SLC25A36: variants seen among roughly 807,000 people sequenced by gnomAD.
SLC25A36 encodes solute carrier family 25 member 36.
In SLC25A36, 24 loss-of-function variants were observed where a neutral mutation model predicts 35.3. That is an observed-to-expected ratio of 0.68 (90% confidence interval 0.49 to 0.96). SLC25A36 has a LOEUF of 0.96. Ranked by LOEUF, SLC25A36 falls within the 40% of genes least tolerant of loss-of-function variation. SLC25A36 has a pLI of 0.00. For synonymous variants in SLC25A36, 141 were observed against 132.2 expected, an observed-to-expected ratio of 1.07 and a Z score of -0.46; for missense variants, 294 against 381.1, an observed-to-expected ratio of 0.77 and a Z score of 1.90.
chr3:140,958,345 G>A (rs1934533066), intron 2 of SLC25A36, among the ~76,000 whole-genome samples: 1 of 152,020 alleles, frequency 6.6e-6, no homozygotes, highest in Non-Finnish European at 1.5e-5. Flanking sequence ...CTTACACATG[G>A]CTCTGTTCCT....
chr3:140,943,206 C>T (rs1934067151), intron 1 of SLC25A36, among the ~76,000 whole-genome samples: 1 of 152,194 alleles, frequency 6.6e-6, no homozygotes, highest in African/African-American at 2.4e-5. Context: ...CTCTTACCGG[C>T]ATCTTCTTAA....
intron 6 of SLC25A36, among the ~76,000 whole-genome samples, chr3:140,975,660 A>G (rs1405225304): frequency 6.6e-6 from 1 of 152,194 alleles, no homozygotes; most frequent in Non-Finnish European, 1.5e-5. Context: ...TTTTAAAATG[A>G]GGAAAAATTG....
chr3:140,959,557 A>T lies in SLC25A36; in HGVS notation c.284+17A>T. The T allele has an allele frequency of 1.6e-6, 2 of 1,274,688 alleles. No individual in the cohort carries two copies. The highest frequency in any genetic ancestry group is 1.7e-5 in the South Asian group (1 of 57,800). The allele number at this position is 1,274,688 out of a possible 1,614,324, so 79.0% of individuals were successfully genotyped here. Reference sequence around the variant, plus strand: ...CCCTTCCAGGTAAAAAAAAAAAAAAATTGTTTAAAGCAAGTTATGGCAATC... The same window carrying T: ...CCCTTCCAGGTAAAAAAAAAAAAAATTTGTTTAAAGCAAGTTATGGCAATC... On this transcript the variant is annotated intron_variant, in intron 3 of 6. Transcript: ENST00000324194.
intron 1 of SLC25A36, among the ~76,000 whole-genome samples, chr3:140,951,181 C>G (rs1318828823): frequency 3.3e-5 from 5 of 151,978 alleles, no homozygotes; most frequent in Admixed American, 3.3e-4. Flanking sequence ...TTGCAGCTGC[C>G]GATTTCTCTG....
At chr3:140,972,747 T>C (rs967690134) in intron 5 of SLC25A36, 1 of 152,198 alleles carries the variant, frequency 6.6e-6, no homozygotes, top group Non-Finnish European at 1.5e-5. Context: ...TTACAGTTGG[T>C]TTGTGGATCA....
rs945889832 is a variant in SLC25A36, at chr3:140,953,924, C to T, written c.42-2603C>T. On this transcript the variant is annotated intron_variant, in intron 1 of 6. Transcript: ENST00000324194. ...GTTCAAGGCTACAGTGAGCTATGAT[C>T]GTGCCACTGCACTCCAGCCTTGGTG... is the stretch of plus-strand genomic sequence containing the variant. Among the ~76,000 whole-genome samples, 4 of 152,296 alleles carry T rather than the reference C, an allele frequency of 2.6e-5. No individual in the cohort carries two copies. The East Asian group carries it at 7.7e-4, about 29-fold the overall frequency.
At chr3:140,946,526 T>C (rs1469017077) in intron 1 of SLC25A36, among the ~76,000 whole-genome samples, 1 of 152,204 alleles carries the variant, frequency 6.6e-6, no homozygotes, top group African/African-American at 2.4e-5. Context: ...AATAATCCAC[T>C]TGACTGATAA....
intron 4 of SLC25A36, chr3:140,966,094 A>C (rs183170057): frequency 6.6e-6 from 1 of 152,156 alleles, no homozygotes; most frequent in African/African-American, 2.4e-5. Context: ...TAATCATTGA[A>C]TGTTTCCTAC....
rs570114520 is a variant in SLC25A36, at chr3:140,948,137, T to C, written c.41+6042T>C. Reference sequence around the variant, plus strand: ...CCCAGGTAATTTTTTGTACTTTTAGTAGAGACAGGATTTCACCATGTTGGT... The same window carrying C: ...CCCAGGTAATTTTTTGTACTTTTAGCAGAGACAGGATTTCACCATGTTGGT... On this transcript the variant is annotated intron_variant, in intron 1 of 6. Coordinates refer to ENST00000324194, the MANE Select transcript of SLC25A36 (RefSeq NM_001104647.3). 2.6e-5 allele frequency among the ~76,000 whole-genome samples: 4 copies of C among 152,262 alleles called. No homozygotes were observed. The South Asian group carries it at 6.2e-4, about 24-fold the overall frequency.
At chr3:140,959,312 G>T in intron 2 of SLC25A36, 151 bp from the exon 3 acceptor site, 1 of 510,040 alleles carries the variant, frequency 2.0e-6, no homozygotes, top group Non-Finnish European at 3.4e-6. Context: ...ACCATGCCTG[G>T]CCACAAATTT....
At position 140,976,567 on chromosome 3, in the gene SLC25A36, A is replaced by AAG; in HGVS notation, c.*114_*115insAG. The AAG allele has an allele frequency of 3.7e-6, 3 of 809,490 alleles. No individual in the cohort carries two copies. Among genetic ancestry groups the AAG allele is most frequent in the Non-Finnish European group, 5.4e-6 (3 of 556,188 alleles). 50.1% of individuals were successfully genotyped at this position (809,490 alleles called of 1,614,324 possible). The stretch of plus-strand genomic sequence containing the variant: ...AAAAATAGTTTGGGAACATGTAACT[A>AAG]TTCTAAGTGGAAGTTTTGTTGTAGG... On this transcript the variant is annotated 3_prime_UTR_variant, in exon 7 of 7. Coordinates refer to ENST00000324194, the MANE Select transcript of SLC25A36 (RefSeq NM_001104647.3).
At position 140,963,188 on chromosome 3, in the gene SLC25A36, G is replaced by C. The variant is rs1220349775; in HGVS notation, c.346G>C (p.Asp116His). 1 of 1,596,172 alleles carries C rather than the reference G, an allele frequency of 6.3e-7. No individual in the cohort carries two copies. The highest frequency in any genetic ancestry group is 1.1e-5 in the South Asian group (1 of 87,302). ...KEKLNDVFDP[D>H]STQVHMISAA... ...AAAGTTGAATGATGTATTTGATCCT[G>C]ATTCTACCCAAGTACATATGATTTC... The change falls in exon 4 of 7, where the codon GAT (aspartate) becomes CAT (histidine). Residue 116 changes from aspartate to histidine, a missense_variant. Asp to His is a moderately conservative substitution (Grantham distance 81). Transcript: ENST00000324194.
chr3:140,969,842 C>G (rs1231530265), intron 4 of SLC25A36, among the ~76,000 whole-genome samples: 2 of 151,810 alleles, frequency 1.3e-5, no homozygotes, highest in Non-Finnish European at 2.9e-5. Flanking sequence ...GATCATTAGC[C>G]ACCTTTATAA....
At chr3:140,968,094 T>G (rs1934808789) in intron 4 of SLC25A36, 1 of 985,008 alleles carries the variant, frequency 1.0e-6, no homozygotes, top group East Asian at 1.1e-4. Flanking sequence ...TGCCTTACCA[T>G]ATATAATGCT....
chr3:140,943,068 T>C (rs796552788), intron 1 of SLC25A36, among the ~76,000 whole-genome samples: 36 of 152,310 alleles, frequency 2.4e-4, no homozygotes, highest in African/African-American at 8.4e-4. Flanking sequence ...GAGCTTCCAG[T>C]TTAGCCTCCT....
intron 1 of SLC25A36, among the ~76,000 whole-genome samples, chr3:140,955,518 A>T (rs1185867238): frequency 6.6e-6 from 1 of 152,170 alleles, no homozygotes; most frequent in Non-Finnish European, 1.5e-5. Context: ...AATAATAATT[A>T]CTCAGCCTAT....
chr3:140,975,234 A>G (rs1439745654), intron 6 of SLC25A36, among the ~76,000 whole-genome samples: 3 of 147,258 alleles, frequency 2.0e-5, no homozygotes, highest in East Asian at 2.1e-4. Flanking sequence ...CAGCCTCCCA[A>G]GTAGCTGGGA....
At chr3:140,973,464 A>G (rs1478369866) in intron 5 of SLC25A36, among the ~76,000 whole-genome samples, 1 of 152,162 alleles carries the variant, frequency 6.6e-6, no homozygotes, top group East Asian at 1.9e-4. Flanking sequence ...GTGAACCCCA[A>G]TGAGGACATG....
chr3:140,959,486 C>T lies in SLC25A36; in HGVS notation c.230C>T (p.Pro77Leu). Residue 77 changes from proline to leucine, a missense_variant, in exon 3 of 7, where the codon CCT (proline) becomes CTT (leucine). Around this residue, in one of 2 missense-constraint regions of SLC25A36, gnomAD observed 185 missense variants for 201.5 expected, o/e 0.92. Coordinates refer to ENST00000324194, the MANE Select transcript of SLC25A36 (RefSeq NM_001104647.3). ...AGGGTGATCTTGGAAAAAGAAGGGC[C>T]TCGTTCCTTGTTTAGAGGACTAGGC... is the stretch of plus-strand genomic sequence containing the variant. ...CLKVILEKEG[P>L]RSLFRGLGPN... The T allele has an allele frequency of 2.0e-6, 3 of 1,520,542 alleles. No individual in the cohort carries two copies. Among genetic ancestry groups the T allele is most frequent in the Middle Eastern group, 1.7e-4 (1 of 5,756 alleles). 94.2% of individuals were successfully genotyped at this position (1,520,542 alleles called of 1,614,324 possible). A position where few individuals can be genotyped will look rare whatever the true frequency, so the allele number is the denominator to read the frequency against.
Sources: allele counts gnomAD v4.1 joint callset (sites outside exome capture counted in the v4.1 genomes callset), GRCh38; gene constraint gnomAD v4.1.1; regional missense constraint gnomAD v4.1.1; transcripts MANE v1.5; gene names NCBI Gene and HGNC (gene_info 2026-07-23, HGNC 2026-07-21).